Variants in TAS2R1 observed in about 807,000 individuals in gnomAD.
The protein encoded by TAS2R1 is taste receptor type 2 member 1.
For missense variants in TAS2R1, 370 were observed against 353.4 expected, an observed-to-expected ratio of 1.05 and a Z score of -0.38; for synonymous variants, 141 against 134.2, an observed-to-expected ratio of 1.05 and a Z score of -0.35.
the TAS2R1 span, among the ~76,000 whole-genome samples, chr5:9,880,341 TG>T: frequency 6.6e-6 from 1 of 152,172 alleles, no homozygotes; most frequent in Non-Finnish European, 1.5e-5. Context: ...GGATGAACTA[TG>T]GTACATCAGA....
the TAS2R1 span, among the ~76,000 whole-genome samples, chr5:9,726,390 T>C: frequency 6.6e-6 from 1 of 152,152 alleles, no homozygotes; most frequent in Admixed American, 6.5e-5. Flanking sequence ...CAGCAGGATG[T>C]GGGTGAGGCC....
At chr5:9,636,824 G>A (rs1330659438) in intron 2 of TAS2R1, among the ~76,000 whole-genome samples, 1 of 151,974 alleles carries the variant, frequency 6.6e-6, no homozygotes, top group Non-Finnish European at 1.5e-5. Context: ...TTACGGGCTG[G>A]GTGAGTCTCT....
chr5:9,818,586 C>T, the TAS2R1 span, among the ~76,000 whole-genome samples: 1 of 152,188 alleles, frequency 6.6e-6, no homozygotes. Flanking sequence ...GGCAATGTCT[C>T]CCTCTTCATA....
the TAS2R1 span, among the ~76,000 whole-genome samples, chr5:9,782,486 C>A: frequency 6.6e-6 from 1 of 152,152 alleles, no homozygotes; most frequent in Non-Finnish European, 1.5e-5. Flanking sequence ...GGGGTCCCAC[C>A]CACATATTAA....
chr5:9,873,854 G>A, the TAS2R1 span, among the ~76,000 whole-genome samples: 2 of 141,400 alleles, frequency 1.4e-5, no homozygotes, highest in African/African-American at 2.5e-5. Context: ...GGGCAACAGA[G>A]TGAGACTCTG....
chr5:9,629,878 G>A lies in TAS2R1; in HGVS notation c.155C>T (p.Ala52Val), dbSNP rs554466158. Residue 52 changes from alanine (A) to valine (V), a missense_variant, in exon 1 of 1, where the codon GCA (alanine) becomes GTA (valine). Transcript: ENST00000382492. ...APLDLLLSCL[A>V]VSRIFLQLFI... ...CAACTGCAGAAAAATTCTAGAAACTGCCAGACAAGAAAGAAGGAGATCCAG... is the reference window on the plus strand; with the variant it reads ...CAACTGCAGAAAAATTCTAGAAACTACCAGACAAGAAAGAAGGAGATCCAG... 1 of 1,613,926 alleles carries A rather than the reference G, an allele frequency of 6.2e-7. No homozygotes were observed. The highest frequency in any genetic ancestry group is 8.5e-7 in the Non-Finnish European group (1 of 1,179,998).
the TAS2R1 span, among the ~76,000 whole-genome samples, chr5:9,858,391 G>A: frequency 6.7e-3 from 1,015 of 152,292 alleles, 4 homozygotes; most frequent in Middle Eastern, 0.014. Flanking sequence ...CAAGTGAAGG[G>A]TATCTCTCTC....
the TAS2R1 span, among the ~76,000 whole-genome samples, chr5:9,767,510 T>C: frequency 1.3e-5 from 2 of 152,306 alleles, no homozygotes; most frequent in Admixed American, 1.3e-4. Context: ...CTAGGGTCAT[T>C]GAAGGGCTTC....
At chr5:9,899,306 A>G in the TAS2R1 span, among the ~76,000 whole-genome samples, 1 of 152,038 alleles carries the variant, frequency 6.6e-6, no homozygotes, top group East Asian at 1.9e-4. Context: ...ACCAAGGGGA[A>G]CTTCTTTCCC....
At chr5:9,725,986 T>C in the TAS2R1 span, among the ~76,000 whole-genome samples, 1 of 150,756 alleles carries the variant, frequency 6.6e-6, no homozygotes, top group East Asian at 1.9e-4. Context: ...ACTCTGTATC[T>C]AGCTCAAGGT....
At chr5:9,793,740 G>C in the TAS2R1 span, among the ~76,000 whole-genome samples, 1 of 152,150 alleles carries the variant, frequency 6.6e-6, no homozygotes, top group Non-Finnish European at 1.5e-5. Flanking sequence ...GAGAAGCTGT[G>C]AATTATTAGG....
the TAS2R1 span, among the ~76,000 whole-genome samples, chr5:9,840,900 G>T: frequency 2.4e-4 from 30 of 123,412 alleles, no homozygotes; most frequent in East Asian, 4.7e-3. Flanking sequence ...TTTTGAGATG[G>T]AGTCTCACAC....
chr5:9,807,043 A>C, the TAS2R1 span, among the ~76,000 whole-genome samples: 3,405 of 152,216 alleles, frequency 0.022, 47 homozygotes, highest in Non-Finnish European at 0.033. Context: ...GAACTCAAAA[A>C]ATATCAGCAA....
At chr5:9,709,758 A>G (rs1741694397) in intron 1 of TAS2R1, among the ~76,000 whole-genome samples, 1 of 152,248 alleles carries the variant, frequency 6.6e-6, no homozygotes, top group Non-Finnish European at 1.5e-5. Flanking sequence ...GCCCTCAGCT[A>G]ACATTGTGAC....
the TAS2R1 span, among the ~76,000 whole-genome samples, chr5:9,720,524 G>T: frequency 2.6e-5 from 4 of 152,232 alleles, no homozygotes; most frequent in Non-Finnish European, 5.9e-5. Context: ...ACACAGTCAA[G>T]CCTAACGCCA....
At chr5:9,641,764 G>A (rs1163133357) in intron 2 of TAS2R1, 2 of 152,148 alleles carry the variant, frequency 1.3e-5, no homozygotes. Context: ...TAAAACAATG[G>A]CACTGAGTAT....
the TAS2R1 span, among the ~76,000 whole-genome samples, chr5:9,806,188 C>T: frequency 6.6e-6 from 1 of 151,890 alleles, no homozygotes; most frequent in African/African-American, 2.4e-5. Context: ...AGGAAAATAC[C>T]TAATCAAGAA....
the TAS2R1 span, among the ~76,000 whole-genome samples, chr5:9,815,076 A>G: frequency 6.6e-6 from 1 of 152,236 alleles, no homozygotes; most frequent in African/African-American, 2.4e-5. Context: ...TTTCAAATGG[A>G]TAAAAGGAAA....
chr5:9,847,242 A>T, the TAS2R1 span, among the ~76,000 whole-genome samples: 1 of 152,236 alleles, frequency 6.6e-6, no homozygotes, highest in Non-Finnish European at 1.5e-5. Flanking sequence ...GACCATAAGA[A>T]AATGTTTGTA....
Sources: allele counts gnomAD v4.1 joint callset (sites outside exome capture counted in the v4.1 genomes callset), GRCh38; gene constraint gnomAD v4.1.1; transcripts MANE v1.5; gene names NCBI Gene and HGNC (gene_info 2026-07-23, HGNC 2026-07-21).